The following CTIF variants were observed in gnomAD, a reference collection of about 807,000 sequenced individuals.
The protein encoded by CTIF is cap binding complex dependent translation initiation factor, also known as CBP80/20-dependent translation initiation factor.
Under a neutral mutation model 66.0 loss-of-function variants are expected in CTIF, and 21 were observed. The ratio of observed to expected loss-of-function variants is 0.32; its 90% CI spans 0.23 to 0.46. CTIF has a LOEUF of 0.46. CTIF is among the 20% of genes least tolerant of loss of function. The probability of loss-of-function intolerance (pLI) is 1.00; values close to 1 mark genes in which losing one functional copy is unlikely to be tolerated. For synonymous variants in CTIF, 345 were observed against 326.4 expected, an observed-to-expected ratio of 1.06 and a Z score of -0.62; for missense variants, 739 against 812.7, an observed-to-expected ratio of 0.91 and a Z score of 1.10.
chr18:48,646,228 C>A (rs1254467798), intron 3 of CTIF, among the ~76,000 whole-genome samples: 2 of 151,892 alleles, frequency 1.3e-5, no homozygotes, highest in Non-Finnish European at 2.9e-5. Context: ...AAAAAACAAT[C>A]CAATTAGAAA....
At chr18:48,747,401 A>C (rs1253839829) in intron 7 of CTIF, among the ~76,000 whole-genome samples, 4 of 152,186 alleles carry the variant, frequency 2.6e-5, no homozygotes, top group African/African-American at 7.2e-5. Context: ...CTGTAGCCAG[A>C]AGTAGAGAGG....
intron 3 of CTIF, among the ~76,000 whole-genome samples, chr18:48,659,413 G>C (rs898708271): frequency 1.3e-5 from 2 of 152,140 alleles, no homozygotes; most frequent in Non-Finnish European, 2.9e-5. Flanking sequence ...TCTCAGTGCT[G>C]TCACCTCCAC....
intron 6 of CTIF, among the ~76,000 whole-genome samples, chr18:48,708,578 C>G (rs1009346196): frequency 6.6e-6 from 1 of 152,198 alleles, no homozygotes; most frequent in African/African-American, 2.4e-5. Flanking sequence ...GGCTGAGGCC[C>G]CAGGTGGCCT....
At position 48,664,484 on chromosome 18, in the gene CTIF, T is replaced by G. The variant is rs199643134; in HGVS notation, c.364T>G (p.Phe122Val). The stretch of plus-strand genomic sequence containing the variant: ...GGACCTGCAGCCGGAAAAGCTGGAC[T>G]TCACCCAGTTCCACCGCAAAGTCCG... Reference protein sequence around the residue: ...TWDLQPEKLDFTQFHRKVRHT... With the variant: ...TWDLQPEKLDVTQFHRKVRHT... Residue 122 changes from phenylalanine to valine, a missense_variant, in exon 5 of 12, where the codon TTC becomes GTC. Transcript: ENST00000256413. 7.4e-6 allele frequency: 12 copies of G among 1,613,690 alleles called. No individual in the cohort carries two copies. The highest frequency in any genetic ancestry group is 1.7e-4 in the Middle Eastern group (1 of 6,060).
At position 48,636,626 on chromosome 18, in the gene CTIF, T is replaced by G. The variant is rs148145576; in HGVS notation, c.193T>G (p.Cys65Gly). 1 of 1,587,298 alleles carries G rather than the reference T, an allele frequency of 6.3e-7. No individual in the cohort carries two copies. Among genetic ancestry groups the G allele is most frequent in the Non-Finnish European group, 8.6e-7 (1 of 1,169,402 alleles). Residue 65 changes from cysteine to glycine, a missense_variant, in exon 3 of 12, where the codon TGC becomes GGC. Around this residue, in one of 2 missense-constraint regions of CTIF, gnomAD observed 529 missense variants for 520.3 expected, o/e 1.02. Coordinates refer to ENST00000256413, the MANE Select transcript of CTIF (RefSeq NM_014772.3). ...QSHISQWTAD[C>G]SEPLDSSCSF... ...TTCTGTTCTGCAGTGGACAGCGGAC[T>G]GCAGCGAACCGCTGGACAGCAGCTG...
rs550510356 is a variant in CTIF at position 48,828,761 on chromosome 18, A to C, written c.1527+11385A>C. On this transcript the variant is annotated intron_variant, in intron 10 of 11. Transcript: ENST00000256413. ...GGGCATGGGCCCAGCACGAGCTATAAATCCCTGTTCTCTGCGTTCCCTGCA... is the reference window on the plus strand; with the variant it reads ...GGGCATGGGCCCAGCACGAGCTATACATCCCTGTTCTCTGCGTTCCCTGCA... Among the ~76,000 whole-genome samples, 52 of 152,246 alleles carry C rather than the reference A, an allele frequency of 3.4e-4. 1 individual carries two copies. The highest frequency in any genetic ancestry group is 3.4e-3 in the Middle Eastern group (1 of 294).
intron 10 of CTIF, among the ~76,000 whole-genome samples, chr18:48,845,454 G>A (rs565516105): frequency 3.3e-5 from 5 of 152,236 alleles, no homozygotes; most frequent in Non-Finnish European, 5.9e-5. Flanking sequence ...CCCTCATGAC[G>A]CCATTTCCTC....
chr18:48,674,809 T>C (rs1305873039), intron 6 of CTIF, among the ~76,000 whole-genome samples: 1 of 152,228 alleles, frequency 6.6e-6, no homozygotes, highest in Non-Finnish European at 1.5e-5. Flanking sequence ...TTCTGCACTC[T>C]GAAAAGGCAT....
intron 9 of CTIF, among the ~76,000 whole-genome samples, chr18:48,770,462 G>T (rs1909995596): frequency 6.6e-6 from 1 of 152,258 alleles, no homozygotes; most frequent in Non-Finnish European, 1.5e-5. Flanking sequence ...CCTTGTCAGA[G>T]ACTCTAGATG....
Position 48,807,735 on chromosome 18 carries a change from A to G in CTIF, c.1372-9486A>G, listed in dbSNP as rs369622725. 9.2e-5 allele frequency among the ~76,000 whole-genome samples: 14 copies of G among 152,000 alleles called. No individual in the cohort carries two copies. The East Asian group carries it at 1.2e-3, about 13-fold the overall frequency. On this transcript the variant is annotated intron_variant, in intron 9 of 11. Transcript: ENST00000256413. ...GCTGGGATTATAGGTATGTGCTGCT[A>G]TGCCCAGCTAATTTTTTTGTATTTT...
intron 9 of CTIF, among the ~76,000 whole-genome samples, chr18:48,775,310 C>T (rs1421538377): frequency 6.6e-6 from 1 of 152,254 alleles, no homozygotes; most frequent in Non-Finnish European, 1.5e-5. Flanking sequence ...CCTTAAGACT[C>T]CTCCTCCAGG....
chr18:48,551,803 T>C (rs1489039066), intron 1 of CTIF, among the ~76,000 whole-genome samples: 1 of 143,834 alleles, frequency 7.0e-6, no homozygotes, highest in African/African-American at 2.5e-5. Context: ...TTTCTTTTTC[T>C]TTTTTTTTTT....
chr18:48,601,802 G>A (rs563339627), intron 1 of CTIF, among the ~76,000 whole-genome samples: 1 of 152,330 alleles, frequency 6.6e-6, no homozygotes, highest in Non-Finnish European at 1.5e-5. Context: ...GCTTAGGGAT[G>A]GCAGTTTCCT....
intron 9 of CTIF, among the ~76,000 whole-genome samples, chr18:48,802,486 G>A (rs2068068197): frequency 1.3e-5 from 2 of 152,206 alleles, no homozygotes; most frequent in African/African-American, 4.8e-5. Context: ...TGATGCCTTG[G>A]GGGGTCCAAA....
chr18:48,716,894 A>T lies in CTIF; in HGVS notation c.584+5199A>T, dbSNP rs1598917216. 4.6e-5 allele frequency among the ~76,000 whole-genome samples: 7 copies of T among 152,354 alleles called. No individual in the cohort carries two copies. The East Asian group carries it at 1.4e-3, about 29-fold the overall frequency. On this transcript the variant is annotated intron_variant, in intron 7 of 11. Transcript: ENST00000256413. ...TTTACTCCATGTGCAAAGCAGATTGAAAGGAAGAAGAGAAAAAGACCTTAG... is the reference window on the plus strand; with the variant it reads ...TTTACTCCATGTGCAAAGCAGATTGTAAGGAAGAAGAGAAAAAGACCTTAG...
chr18:48,717,391 T>C (rs543090759), intron 7 of CTIF, among the ~76,000 whole-genome samples: 3 of 149,872 alleles, frequency 2.0e-5, no homozygotes, highest in East Asian at 3.9e-4. Flanking sequence ...AGAGCGAAAA[T>C]CTGTCTTTAA....
chr18:48,749,915 G>A (rs1051426633), intron 7 of CTIF, among the ~76,000 whole-genome samples: 1 of 152,220 alleles, frequency 6.6e-6, no homozygotes, highest in Non-Finnish European at 1.5e-5. Context: ...GGCAGGCCGA[G>A]CGGAAGGGCG....
chr18:48,686,959 G>T (rs766094207), intron 6 of CTIF, among the ~76,000 whole-genome samples: 12 of 152,082 alleles, frequency 7.9e-5, no homozygotes, highest in Non-Finnish European at 1.5e-4. Context: ...TGCTTATGGG[G>T]GTTTACAAGT....
intron 9 of CTIF, among the ~76,000 whole-genome samples, chr18:48,797,931 G>A (rs1227328630): frequency 1.3e-5 from 2 of 152,102 alleles, no homozygotes; most frequent in East Asian, 1.9e-4. Context: ...TCGGTGGTGG[G>A]CAAAGCCAGT....
Sources: allele counts gnomAD v4.1 joint callset (sites outside exome capture counted in the v4.1 genomes callset), GRCh38; gene constraint gnomAD v4.1.1; regional missense constraint gnomAD v4.1.1; transcripts MANE v1.5; gene names NCBI Gene and HGNC (gene_info 2026-07-23, HGNC 2026-07-21).